Variants in TCF4 observed in about 807,000 individuals in gnomAD.
TCF4 encodes SL3-3 enhancer factor 2.
Under a neutral mutation model 82.1 loss-of-function variants are expected in TCF4, and 3 were observed. The ratio of observed to expected loss-of-function variants is 0.04; its 90% CI spans 0.02 to 0.09. The LOEUF is 0.09. Ranked by LOEUF, TCF4 falls within the 10% of genes least tolerant of loss-of-function variation. The probability of loss-of-function intolerance (pLI) is 1.00; values close to 1 mark genes in which losing one functional copy is unlikely to be tolerated. For synonymous variants in TCF4, 276 were observed against 309.6 expected, an observed-to-expected ratio of 0.89 and a Z score of 1.14; for missense variants, 518 against 852.7, an observed-to-expected ratio of 0.61 and a Z score of 4.89.
intron 2 of TCF4, among the ~76,000 whole-genome samples, chr18:55,610,016 A>G (rs2097705689): frequency 6.6e-6 from 1 of 151,988 alleles, no homozygotes; most frequent in Non-Finnish European, 1.5e-5. Context: ...CAAAAATATA[A>G]TCTCCATGAA....
At chr18:55,336,985 T>C (rs2078779968) in intron 8 of TCF4, among the ~76,000 whole-genome samples, 1 of 152,136 alleles carries the variant, frequency 6.6e-6, no homozygotes, top group Non-Finnish European at 1.5e-5. Flanking sequence ...TTATGGTGAT[T>C]CTCGAAATTT....
intron 5 of TCF4, among the ~76,000 whole-genome samples, chr18:55,430,273 A>C (rs1034516352): frequency 6.6e-6 from 1 of 152,126 alleles, no homozygotes; most frequent in Non-Finnish European, 1.5e-5. Flanking sequence ...ATGCCATACA[A>C]ACTATGATTT....
At chr18:55,267,658 G>A (rs2059493887) in intron 11 of TCF4, 1 of 152,002 alleles carries the variant, frequency 6.6e-6, no homozygotes, top group South Asian at 2.1e-4. Flanking sequence ...AATAATAAAG[G>A]TTTGCTCCTC....
chr18:55,604,380 T>C (rs989522034), intron 2 of TCF4, among the ~76,000 whole-genome samples: 3 of 152,152 alleles, frequency 2.0e-5, no homozygotes, highest in African/African-American at 7.2e-5. Flanking sequence ...TTCCTTGTCT[T>C]CCTCTTTTTT....
intron 3 of TCF4, among the ~76,000 whole-genome samples, chr18:55,583,850 A>G (rs969851054): frequency 4.6e-5 from 7 of 152,106 alleles, no homozygotes; most frequent in African/African-American, 7.2e-5. Context: ...CATGCATATT[A>G]ATATTTTCCA....
At chr18:55,346,662 T>A (rs1467005770) in intron 8 of TCF4, among the ~76,000 whole-genome samples, 1 of 152,172 alleles carries the variant, frequency 6.6e-6, no homozygotes, top group East Asian at 1.9e-4. Context: ...TGGAGACAAA[T>A]TCCACCAAAG....
chr18:55,356,708 G>C (rs1488453641), intron 6 of TCF4, among the ~76,000 whole-genome samples: 2 of 152,070 alleles, frequency 1.3e-5, no homozygotes, highest in African/African-American at 2.4e-5. Context: ...ACTTACGAGG[G>C]TAATTATAGG....
At position 55,403,501 on chromosome 18, in the gene TCF4, A is replaced by T. The variant is rs112222111; in HGVS notation, c.322T>A (p.Ser108Thr). 6.2e-7 allele frequency: 1 copy of T among 1,613,872 alleles called. No homozygotes were observed. The highest frequency in any genetic ancestry group is 8.5e-7 in the Non-Finnish European group (1 of 1,179,822). Residue 108 changes from serine (S) to threonine (T), a missense_variant, in exon 6 of 20, where the codon TCA (serine) becomes ACA (threonine). Ser to Thr is a moderately conservative substitution (Grantham distance 58). This residue lies in a region of TCF4 where 80 missense variants were observed against 93.8 expected (regional missense o/e 0.85). Transcript: ENST00000354452. Reference protein sequence around the residue: ...SRIQSKTERGSYSSYGRESNL... With the variant: ...SRIQSKTERGTYSSYGRESNL... ...GATTCTCTCCCATAAGATGAGTATG[A>T]GCCCCTTTCTGTTTTACCTGCCAAG...
intron 8 of TCF4, among the ~76,000 whole-genome samples, chr18:55,299,678 T>C (rs2067558394): frequency 6.6e-6 from 1 of 152,134 alleles, no homozygotes; most frequent in African/African-American, 2.4e-5. Flanking sequence ...GAAAGCATTA[T>C]AGAAAGATGT....
chr18:55,390,141 A>C (rs2092948353), intron 6 of TCF4, among the ~76,000 whole-genome samples: 2 of 152,156 alleles, frequency 1.3e-5, no homozygotes, highest in Admixed American at 6.5e-5. Context: ...AACACATGTA[A>C]GAATACGAAT....
chr18:55,467,152 A>G (rs1603498879), intron 3 of TCF4, among the ~76,000 whole-genome samples: 1 of 152,204 alleles, frequency 6.6e-6, no homozygotes. Context: ...AATCTATAGG[A>G]CCGGTGCTCA....
chr18:55,301,522 C>T (rs1031217825), intron 8 of TCF4, among the ~76,000 whole-genome samples: 1 of 152,190 alleles, frequency 6.6e-6, no homozygotes, highest in Non-Finnish European at 1.5e-5. Flanking sequence ...ATTCCTCCAG[C>T]AGCCGCTTCT....
At chr18:55,490,272 T>A (rs111458608) in intron 3 of TCF4, among the ~76,000 whole-genome samples, 2,317 of 152,236 alleles carry the variant, frequency 0.015, 23 homozygotes, top group Non-Finnish European at 0.025. Flanking sequence ...TCAAGATATT[T>A]TTTATTTATT....
At chr18:55,481,939 A>G (rs1420893419) in intron 3 of TCF4, among the ~76,000 whole-genome samples, 1 of 152,188 alleles carries the variant, frequency 6.6e-6, no homozygotes, top group Admixed American at 6.5e-5. Flanking sequence ...ATGAGCAAGT[A>G]TGGGTTTAGA....
chr18:55,228,103 A>G, intron 19 of TCF4, 73 bp from the exon 20 acceptor site: 1 of 1,337,302 alleles, frequency 7.5e-7, no homozygotes, highest in South Asian at 1.3e-5. Context: ...TTTTTAAAAA[A>G]AATTCTTTTT....
chr18:55,445,253 ATT>A (rs1367027016), intron 5 of TCF4, among the ~76,000 whole-genome samples: 1 of 152,214 alleles, frequency 6.6e-6, no homozygotes, highest in Non-Finnish European at 1.5e-5. Flanking sequence ...CCAGGATTGT[ATT>A]CCAGCTTCAC....
chr18:55,511,106 CTGTTGA>C (rs2146286350), intron 3 of TCF4, among the ~76,000 whole-genome samples: 1 of 152,098 alleles, frequency 6.6e-6, no homozygotes, highest in South Asian at 2.1e-4. Flanking sequence ...TAATAATATC[CTGTTGA>C]TGTCTGAGTA....
At chr18:55,451,630 A>T (rs1182938675) in intron 5 of TCF4, among the ~76,000 whole-genome samples, 2 of 152,198 alleles carry the variant, frequency 1.3e-5, no homozygotes, top group Non-Finnish European at 2.9e-5. Context: ...TGGACACAGA[A>T]GTTTCAAGGA....
chr18:55,530,618 G>GT (rs1411266940), intron 3 of TCF4, among the ~76,000 whole-genome samples: 3 of 151,666 alleles, frequency 2.0e-5, no homozygotes, highest in African/African-American at 4.8e-5. Flanking sequence ...TGCTTAGAAA[G>GT]TTTTTTTGAA....
Sources: allele counts gnomAD v4.1 joint callset (sites outside exome capture counted in the v4.1 genomes callset), GRCh38; gene constraint gnomAD v4.1.1; regional missense constraint gnomAD v4.1.1; transcripts MANE v1.5; gene names NCBI Gene and HGNC (gene_info 2026-07-23, HGNC 2026-07-21).